Variants in MMP16 observed in about 807,000 individuals in gnomAD.
MMP16 encodes matrix metallopeptidase 16.
A neutral mutation model predicts 67.8 loss-of-function variants in MMP16; 12 were observed. The observed-to-expected ratio is 0.18, with a 90% CI of 0.11 to 0.29. MMP16 has a LOEUF of 0.29. Among genes scored for constraint, MMP16 ranks in the 10% least tolerant of loss-of-function variants. The pLI, the probability that MMP16 is intolerant of heterozygous loss-of-function variation, is 1.00. For synonymous variants in MMP16, 249 were observed against 255.9 expected (o/e 0.97, Z 0.26); for missense variants, 475 against 765.7 (o/e 0.62, Z 4.48).
At chr8:88,209,437 A>C (rs1374904202) in intron 1 of MMP16, among the ~76,000 whole-genome samples, 1 of 152,202 alleles carries the variant, frequency 6.6e-6, no homozygotes, top group African/African-American at 2.4e-5. Context: ...TACCTATAAC[A>C]TGCAAATATG....
At chr8:88,114,740 C>A (rs967190342) in intron 6 of MMP16, among the ~76,000 whole-genome samples, 5 of 151,798 alleles carry the variant, frequency 3.3e-5, no homozygotes, top group African/African-American at 1.2e-4. Context: ...GAAAATTGGG[C>A]AGATTTTAGA....
intron 3 of MMP16, among the ~76,000 whole-genome samples, chr8:88,180,154 G>A (rs1222846997): frequency 3.3e-5 from 5 of 151,938 alleles, no homozygotes; most frequent in African/African-American, 9.7e-5. Flanking sequence ...GGTGGCACAC[G>A]CCTGTAATCC....
At chr8:88,162,577 T>C (rs1228378034) in intron 4 of MMP16, among the ~76,000 whole-genome samples, 4 of 152,068 alleles carry the variant, frequency 2.6e-5, no homozygotes, top group Non-Finnish European at 5.9e-5. Flanking sequence ...TAGACAGTAT[T>C]CCCACAGTTG....
At chr8:88,047,212 C>A (rs1051283338) in intron 8 of MMP16, among the ~76,000 whole-genome samples, 3 of 152,084 alleles carry the variant, frequency 2.0e-5, no homozygotes, top group Admixed American at 1.3e-4. Flanking sequence ...TTGAAATAAT[C>A]TTAAGCAGAA....
chr8:88,165,891 C>G (rs1012251030), intron 4 of MMP16, among the ~76,000 whole-genome samples: 6 of 152,030 alleles, frequency 3.9e-5, no homozygotes, highest in Non-Finnish European at 7.4e-5. Flanking sequence ...TTCTATTATA[C>G]TAAAATCTTC....
intron 4 of MMP16, among the ~76,000 whole-genome samples, chr8:88,160,801 A>C (rs1018736535): frequency 6.6e-6 from 1 of 151,962 alleles, no homozygotes; most frequent in African/African-American, 2.4e-5. Flanking sequence ...CCAAAGGACT[A>C]TAAATCATGC....
At chr8:88,043,134 G>A (rs1242887825) in intron 9 of MMP16, among the ~76,000 whole-genome samples, 1 of 152,148 alleles carries the variant, frequency 6.6e-6, no homozygotes, top group Non-Finnish European at 1.5e-5. Context: ...CTATCAGGTA[G>A]AATTAATTAT....
intron 1 of MMP16, among the ~76,000 whole-genome samples, chr8:88,218,706 GC>G (rs1809632662): frequency 6.6e-6 from 1 of 151,928 alleles, no homozygotes; most frequent in African/African-American, 2.4e-5. Context: ...TATTAATGAT[GC>G]CTTAATGTCA....
chr8:88,278,538 G>A (rs930909277), intron 1 of MMP16, among the ~76,000 whole-genome samples: 1 of 152,178 alleles, frequency 6.6e-6, no homozygotes, highest in Non-Finnish European at 1.5e-5. Context: ...CAAGCTTATA[G>A]CAGCTGTACA....
chr8:88,049,889 G>T (rs541589690), intron 8 of MMP16, among the ~76,000 whole-genome samples: 1 of 152,268 alleles, frequency 6.6e-6, no homozygotes, highest in African/African-American at 2.4e-5. Context: ...GCTGGGCATG[G>T]TGGTGCACAC....
At chr8:88,219,018 C>T (rs1360247426) in intron 1 of MMP16, among the ~76,000 whole-genome samples, 1 of 151,884 alleles carries the variant, frequency 6.6e-6, no homozygotes, top group Non-Finnish European at 1.5e-5. Flanking sequence ...CAAGAAAAGA[C>T]ATAAATATCT....
At chr8:88,082,394 T>C (rs1014362098) in intron 6 of MMP16, among the ~76,000 whole-genome samples, 1 of 152,132 alleles carries the variant, frequency 6.6e-6, no homozygotes, top group Non-Finnish European at 1.5e-5. Flanking sequence ...TATTTGTCTT[T>C]TGACCCAGTA....
At chr8:88,154,934 G>A (rs533897344) in intron 4 of MMP16, among the ~76,000 whole-genome samples, 6 of 150,474 alleles carry the variant, frequency 4.0e-5, no homozygotes, top group Non-Finnish European at 8.9e-5. Context: ...GTAAAATTCT[G>A]CTTTTCTTAT....
intron 6 of MMP16, among the ~76,000 whole-genome samples, chr8:88,092,021 A>G (rs1220370766): frequency 6.6e-6 from 1 of 151,856 alleles, no homozygotes. Context: ...GGCTAAGAAA[A>G]TAAATTCAAA....
In MMP16 at chr8:88,032,442, T is replaced by C. The variant is rs1264899891; in HGVS notation, c.*9019A>G. On this transcript the variant is annotated 3_prime_UTR_variant, in exon 10 of 10. Transcript: ENST00000286614. ...CAACATTATAAGGAGTTAAAAGAGA[T>C]AGTAGCTTGGTGAGCTGTTACATAG... The C allele has an allele frequency of 1.3e-5, 2 of 152,296 alleles. No homozygotes were observed. The highest frequency in any genetic ancestry group is 6.5e-5 in the Admixed American group (1 of 15,282). 9.4% of individuals were successfully genotyped at this position (152,296 alleles called of 1,614,324 possible).
Position 88,116,716 on chromosome 8 carries a change from G to A in MMP16, c.874C>T (p.Pro292Ser). The change falls in exon 6 of 10, where the codon CCA becomes TCA. Residue 292 changes from proline (P) to serine (S), a missense_variant and splice_region_variant. By Grantham distance (74) the Pro-to-Ser change is moderately conservative. This residue lies in a region of MMP16 where 195 missense variants were observed against 300.9 expected (regional missense o/e 0.65). Transcript: ENST00000286614. ...GTAGGTGGAGGAATCTTGTCAGGTG[G>A]ACCTTTTGAAAATATGAGGACAGTG... is the stretch of plus-strand genomic sequence containing the variant. The part of the protein sequence containing the change: ...DLQGIQKIYG[P>S]PDKIPPPTRP... The A allele has an allele frequency of 1.9e-6, 3 of 1,613,046 alleles. No homozygotes were observed. The South Asian group carries it at 3.3e-5, about 18-fold the overall frequency.
intron 4 of MMP16, among the ~76,000 whole-genome samples, chr8:88,145,295 C>T (rs753098201): frequency 6.6e-6 from 1 of 151,796 alleles, no homozygotes; most frequent in Non-Finnish European, 1.5e-5. Context: ...GTAACTGTAA[C>T]ACAATTATAA....
chr8:88,186,619 A>C (rs573444228), intron 2 of MMP16, 21 bp from the exon 3 acceptor site: 2 of 1,577,824 alleles, frequency 1.3e-6, no homozygotes, highest in East Asian at 4.5e-5. Flanking sequence ...AAAAAAAAAA[A>C]AAAAAAAGCA....
intron 7 of MMP16, among the ~76,000 whole-genome samples, chr8:88,071,415 A>T (rs763169822): frequency 6.6e-6 from 1 of 152,088 alleles, no homozygotes; most frequent in Non-Finnish European, 1.5e-5. Context: ...CATGGACTTT[A>T]GTTAAATAGG....
Sources: allele counts gnomAD v4.1 joint callset (sites outside exome capture counted in the v4.1 genomes callset), GRCh38; gene constraint gnomAD v4.1.1; regional missense constraint gnomAD v4.1.1; transcripts MANE v1.5; gene names NCBI Gene and HGNC (gene_info 2026-07-23, HGNC 2026-07-21).